The following ASB6 variants were observed in gnomAD, a reference collection of about 807,000 sequenced individuals.
The protein encoded by ASB6 is ankyrin repeat and SOCS box protein 6.
In ASB6, 24 loss-of-function variants were observed where a neutral mutation model predicts 28.6. That is an observed-to-expected ratio of 0.84 (90% CI 0.61 to 1.18). The LOEUF (loss-of-function observed/expected upper bound fraction) is 1.18, where lower values mean the gene tolerates loss of function less well. Ranked by LOEUF, ASB6 falls within the 50% of genes most tolerant of loss-of-function variation. The pLI is 0.00. For missense variants in ASB6, 519 were observed against 559.8 expected, an observed-to-expected ratio of 0.93 and a Z score of 0.74; for synonymous variants, 267 against 243.4, an observed-to-expected ratio of 1.10 and a Z score of -0.90.
At position 129,638,261 on chromosome 9, in the gene ASB6, G is replaced by C. The variant is rs1434966800; in HGVS notation, c.795C>G (p.Ile265Met). The C allele has an allele frequency of 1.9e-6, 3 of 1,613,572 alleles. No individual in the cohort carries two copies. The East Asian group carries it at 6.7e-5, about 36-fold the overall frequency. ...ECPAHESLTH[I>M]CLKSFKLHFP... ...AGTGCAGTTTAAAGCTCTTCAGGCA[G>C]ATGTGGGTGAGGGACTCGTGGGCTG... The change falls in exon 6 of 6, where the codon ATC becomes ATG. Residue 265 changes from isoleucine to methionine, a missense_variant. Transcript: ENST00000277458.
rs183816323 is a variant in ASB6 at position 129,635,554 on chromosome 9, G to T, written c.*2236C>A. ...GATCCAGGCGCCACGCTGGCGGTTCGTGAGTGTCGAGGCACCACTAAATAT... is the reference window on the plus strand; with the variant it reads ...GATCCAGGCGCCACGCTGGCGGTTCTTGAGTGTCGAGGCACCACTAAATAT... On this transcript the variant is annotated 3_prime_UTR_variant, in exon 6 of 6. Transcript: ENST00000277458. 6.9e-7 allele frequency: 1 copy of T among 1,456,318 alleles called. No homozygotes were observed. The highest frequency in any genetic ancestry group is 2.0e-5 in the Admixed American group (1 of 50,732). The allele number at this position is 1,456,318 out of a possible 1,614,324, so 90.2% of individuals were successfully genotyped here.
chr9:129,634,745 G>A lies in ASB6; in HGVS notation c.*3045C>T. The A allele has an allele frequency of 4.6e-6, 1 of 218,828 alleles. No individual in the cohort carries two copies. The highest frequency in any genetic ancestry group is 1.2e-4 in the East Asian group (1 of 8,096). 13.6% of individuals were successfully genotyped at this position (218,828 alleles called of 1,614,324 possible). A position where few individuals can be genotyped will look rare whatever the true frequency, so the allele number is the denominator to read the frequency against. ...GGCGGCAGGCCGCTAGCAGCAGTCG[G>A]CCACCTCCTGAGGCGGGCAGCACAG... is the stretch of plus-strand genomic sequence containing the variant. On this transcript the variant is annotated 3_prime_UTR_variant, in exon 6 of 6. Coordinates refer to ENST00000277458, the MANE Select transcript of ASB6 (RefSeq NM_017873.4).
chr9:129,641,783 C>T (rs1588152004), intron 1 of ASB6, 104 bp downstream of exon 1: 1 of 1,202,770 alleles, frequency 8.3e-7, no homozygotes, highest in Non-Finnish European at 1.1e-6. Context: ...CCGTCCCTTC[C>T]TCTGTCAAGG....
intron 2 of ASB6, among the ~76,000 whole-genome samples, chr9:129,640,065 G>A (rs1182620768): frequency 1.3e-5 from 2 of 152,174 alleles, no homozygotes; most frequent in South Asian, 4.1e-4. Flanking sequence ...AAAGGAGCTC[G>A]GCTCCATCTC....
rs941032418 is a variant in ASB6 at position 129,642,099 on chromosome 9, T to C, written c.-100A>G. The C allele has an allele frequency of 7.1e-7, 1 of 1,398,790 alleles. No homozygotes were observed. The highest frequency in any genetic ancestry group is 9.3e-7 in the Non-Finnish European group (1 of 1,076,160). 86.6% of individuals were successfully genotyped at this position (1,398,790 alleles called of 1,614,324 possible). On this transcript the variant is annotated 5_prime_UTR_variant, in exon 1 of 6. Coordinates refer to ENST00000277458, the MANE Select transcript of ASB6 (RefSeq NM_017873.4). The surrounding 1 kb of genome is among the most constrained non-coding windows in gnomAD (Gnocchi z 4.3). ...TCCGGCGGCCGCGGACCCCACCTGC[T>C]CCGCCAGTCCAGCCCCTGCGCCCGG...
intron 2 of ASB6, among the ~76,000 whole-genome samples, chr9:129,639,938 C>A (rs1442672625): frequency 6.6e-6 from 1 of 152,186 alleles, no homozygotes; most frequent in Non-Finnish European, 1.5e-5. Context: ...GACTCCAAGC[C>A]CGTCTTCGGA....
rs769834879 is a variant in ASB6, at chr9:129,638,058, A to G, written c.998T>C (p.Met333Thr). The G allele has an allele frequency of 9.3e-6, 15 of 1,614,226 alleles. No homozygotes were observed. The highest frequency in any genetic ancestry group is 1.3e-5 in the Non-Finnish European group (15 of 1,180,056). ...CTGGAGTTTCTGAGAGTTGGTCACC[A>G]TGAGATCCAGGACAGTCTCAGCTTT... ...LRKAETVLDL[M>T]VTNSQKLQLP... Residue 333 changes from methionine (M) to threonine (T), a missense_variant, in exon 6 of 6, where the codon ATG (methionine) becomes ACG (threonine). By Grantham distance (81) the Met-to-Thr change is moderately conservative. Transcript: ENST00000277458.
At chr9:129,640,750 G>T in intron 1 of ASB6, 28 bp from the exon 2 acceptor site, 1 of 1,612,624 alleles carries the variant, frequency 6.2e-7, no homozygotes, top group Non-Finnish European at 8.5e-7. Context: ...CTGAGGGTAG[G>T]CACAGCTGTG....
rs1344052571 is a variant in ASB6 at position 129,642,053 on chromosome 9, C to A, written c.-54G>T. 15 of 1,521,840 alleles carry A rather than the reference C, an allele frequency of 9.9e-6. No individual in the cohort carries two copies. Among genetic ancestry groups the A allele is most frequent in the Non-Finnish European group, 1.3e-5 (15 of 1,132,782 alleles). The allele number at this position is 1,521,840 out of a possible 1,614,324, so 94.3% of individuals were successfully genotyped here. A position where few individuals can be genotyped will look rare whatever the true frequency, so the allele number is the denominator to read the frequency against. Reference sequence around the variant, plus strand: ...CGCGCTTTCTGCCGAGGCCGAGATGCCCAGACGCCGACCGGAACGCTCCGG... The same window carrying A: ...CGCGCTTTCTGCCGAGGCCGAGATGACCAGACGCCGACCGGAACGCTCCGG... On this transcript the variant is annotated 5_prime_UTR_variant, in exon 1 of 6. Transcript: ENST00000277458. This position sits in a 1 kb window ranked among gnomAD's most constrained non-coding sequence, Gnocchi z 4.3.
At chr9:129,640,842 G>T in intron 1 of ASB6, 120 bp from the exon 2 acceptor site, 1 of 1,187,754 alleles carries the variant, frequency 8.4e-7, no homozygotes, top group African/African-American at 1.5e-5. Flanking sequence ...TGGCTCTGTG[G>T]GTCACAGGGG....
chr9:129,638,490 G>C (rs201546336), intron 5 of ASB6, 33 bp from the exon 6 acceptor site: 1 of 1,608,108 alleles, frequency 6.2e-7, no homozygotes, highest in Non-Finnish European at 8.5e-7. Flanking sequence ...GATGCTGGGA[G>C]AAGGCCTTCA....
At chr9:129,641,843 G>A (rs1831710529) in intron 1 of ASB6, 44 bp downstream of exon 1, 2 of 1,533,536 alleles carry the variant, frequency 1.3e-6, no homozygotes, top group Non-Finnish European at 8.8e-7. Flanking sequence ...GGACGCTGCG[G>A]GGTCGGAGCG....
intron 1 of ASB6, chr9:129,641,243 C>A (rs979682097): frequency 6.3e-6 from 1 of 158,438 alleles, no homozygotes; most frequent in Non-Finnish European, 1.4e-5. Flanking sequence ...CGAGACTCAT[C>A]ATTACCACGT....
rs918251247 is a variant in ASB6, at chr9:129,638,001, C to A, written c.1055G>T (p.Gly352Val). ...GGCCTGGATCTTTTCCGCCAGGCTG[C>A]CCACAGGGTGGATATCGAAGTTTTC... is the stretch of plus-strand genomic sequence containing the variant. ...LPENFDIHPV[G>V]SLAEKIQALH... The change falls in exon 6 of 6, where the codon GGC (glycine) becomes GTC (valine). Residue 352 changes from glycine (G) to valine (V), a missense_variant. By Grantham distance (109) the Gly-to-Val change is moderately radical (BLOSUM62 -3). Coordinates refer to ENST00000277458, the MANE Select transcript of ASB6 (RefSeq NM_017873.4). 6.2e-7 allele frequency: 1 copy of A among 1,612,392 alleles called. No individual in the cohort carries two copies. Among genetic ancestry groups the A allele is most frequent in the East Asian group, 2.2e-5 (1 of 44,862 alleles).
chr9:129,637,730 C>A lies in ASB6; in HGVS notation c.*60G>T. 7.0e-7 allele frequency: 1 copy of A among 1,428,234 alleles called. No individual in the cohort carries two copies. Among genetic ancestry groups the A allele is most frequent in the Non-Finnish European group, 9.4e-7 (1 of 1,066,798 alleles). The allele number at this position is 1,428,234 out of a possible 1,614,324, so 88.5% of individuals were successfully genotyped here. ...AGACCCTCTTCTAATGCTGTCCCAG[C>A]ATCTACCAACAGGCTGACCTGAGCT... On this transcript the variant is annotated 3_prime_UTR_variant, in exon 6 of 6. Transcript: ENST00000277458.
chr9:129,635,138 AAGT>A lies in ASB6; in HGVS notation c.*2649_*2651del. 2.6e-6 allele frequency: 4 copies of A among 1,542,606 alleles called. No homozygotes were observed. Among genetic ancestry groups the A allele is most frequent in the Non-Finnish European group, 3.5e-6 (4 of 1,144,416 alleles). Reference sequence around the variant, plus strand: ...AAATGAGGGGCTCAGCGGGGCTGAGAAGTACATCCCATCCAGTGCCGACATCCG... The same window carrying A: ...AAATGAGGGGCTCAGCGGGGCTGAGAACATCCCATCCAGTGCCGACATCCG... On this transcript the variant is annotated 3_prime_UTR_variant, in exon 6 of 6. Transcript: ENST00000277458.
Position 129,639,316 on chromosome 9 carries a change from C to G in ASB6, c.403-6G>C. ...AAGGGGCTACTCTCGTGGATCTGAG[C>G]CAAGGAAGCACAGCCAGGTTGGCTT... On this transcript the variant is annotated splice_polypyrimidine_tract_variant and splice_region_variant and intron_variant, in intron 3 of 5. Transcript: ENST00000277458. The G allele has an allele frequency of 6.2e-7, 1 of 1,608,740 alleles. No homozygotes were observed. Among genetic ancestry groups the G allele is most frequent in the Non-Finnish European group, 8.5e-7 (1 of 1,176,038 alleles).
At chr9:129,640,823 G>T in intron 1 of ASB6, 101 bp from the exon 2 acceptor site, 1 of 1,411,056 alleles carries the variant, frequency 7.1e-7, no homozygotes, top group Non-Finnish European at 9.7e-7. Flanking sequence ...TCATCAGCAA[G>T]CAGGGCCCTG....
rs950786256 is a variant in ASB6, at chr9:129,639,562, G to A, written c.296-54C>T. ...TCCTATCTGTCCGCATTCTTATGGG[G>A]CCCCCGGACCCAGAGCCCAGCCCCA... On this transcript the variant is annotated intron_variant, in intron 2 of 5. Coordinates refer to ENST00000277458, the MANE Select transcript of ASB6 (RefSeq NM_017873.4). The A allele has an allele frequency of 3.3e-6, 5 of 1,505,286 alleles. No individual in the cohort carries two copies. In the African/African-American group the frequency reaches 4.1e-5, roughly 12 times the overall value. The allele number at this position is 1,505,286 out of a possible 1,614,324, so 93.2% of individuals were successfully genotyped here.
Sources: gnomAD v4.1 joint callset for allele counts (sites outside exome capture counted in the v4.1 genomes callset) on GRCh38, gnomAD v4.1.1 for gene constraint, Gnocchi (gnomAD v3.1) non-coding constraint, MANE v1.5 for transcripts, NCBI Gene and HGNC (gene_info 2026-07-23, HGNC 2026-07-21) for gene names.